Variants in KCNIP4 observed in about 807,000 individuals in gnomAD.
KCNIP4 encodes Kv channel-interacting protein 4.
Under a neutral mutation model 34.0 loss-of-function variants are expected in KCNIP4, and 12 were observed. That is an observed-to-expected ratio of 0.35 (90% CI 0.23 to 0.57). The LOEUF is 0.57. Among genes scored for constraint, KCNIP4 ranks in the 20% least tolerant of loss-of-function variants. KCNIP4 has a pLI of 0.83. For missense variants in KCNIP4, 238 were observed against 311.7 expected, an observed-to-expected ratio of 0.76 and a Z score of 1.78; for synonymous variants, 124 against 102.2, an observed-to-expected ratio of 1.21 and a Z score of -1.29.
intron 1 of KCNIP4, among the ~76,000 whole-genome samples, chr4:20,897,518 C>T (rs1347527874): frequency 3.9e-5 from 6 of 152,100 alleles, no homozygotes; most frequent in Admixed American, 2.6e-4. Flanking sequence ...TCCCTCCCCC[C>T]GCCACCCACA....
intron 1 of KCNIP4, among the ~76,000 whole-genome samples, chr4:21,026,996 T>A (rs1273798776): frequency 6.6e-6 from 1 of 152,182 alleles, no homozygotes; most frequent in African/African-American, 2.4e-5. Context: ...AGGTTTTCAG[T>A]CAGACGAGAA....
chr4:21,946,398 G>T (rs1296822828), intron 1 of KCNIP4, among the ~76,000 whole-genome samples: 1 of 152,062 alleles, frequency 6.6e-6, no homozygotes, highest in Non-Finnish European at 1.5e-5. Context: ...GATAGTTTGG[G>T]AGTTATATAA....
intron 1 of KCNIP4, among the ~76,000 whole-genome samples, chr4:21,113,579 T>G (rs914541627): frequency 2.0e-5 from 3 of 152,034 alleles, no homozygotes; most frequent in African/African-American, 7.2e-5. Flanking sequence ...CAATTTGGTC[T>G]GCTGTTGGGG....
chr4:20,976,011 T>C (rs536318290), intron 1 of KCNIP4, among the ~76,000 whole-genome samples: 1 of 152,322 alleles, frequency 6.6e-6, no homozygotes. Flanking sequence ...ACAGACTGCA[T>C]GGCCCACAAA....
At chr4:21,424,023 G>T (rs1033321499) in intron 1 of KCNIP4, among the ~76,000 whole-genome samples, 1 of 150,120 alleles carries the variant, frequency 6.7e-6, no homozygotes, top group African/African-American at 2.4e-5. Flanking sequence ...GTTTCACCAT[G>T]TTGGTCAGGC....
chr4:21,744,899 A>G (rs941055332), intron 1 of KCNIP4, among the ~76,000 whole-genome samples: 1 of 152,172 alleles, frequency 6.6e-6, no homozygotes, highest in Non-Finnish European at 1.5e-5. Flanking sequence ...TGCAAACTAT[A>G]TTTTCTACTA....
chr4:20,932,037 A>T (rs13148594), intron 1 of KCNIP4, among the ~76,000 whole-genome samples: 1 of 36,468 alleles, frequency 2.7e-5, no homozygotes, highest in Non-Finnish European at 4.5e-5. Context: ...TATTGTAGAC[A>T]ATAATAGTCT....
intron 1 of KCNIP4, among the ~76,000 whole-genome samples, chr4:21,662,737 C>A (rs1236189354): frequency 6.6e-6 from 1 of 152,036 alleles, no homozygotes; most frequent in Non-Finnish European, 1.5e-5. Context: ...AAAGTATTAA[C>A]CAAGAAAAAG....
intron 1 of KCNIP4, among the ~76,000 whole-genome samples, chr4:21,714,696 A>G (rs1229077345): frequency 6.6e-6 from 1 of 152,030 alleles, no homozygotes; most frequent in Non-Finnish European, 1.5e-5. Flanking sequence ...TCTAAGATAA[A>G]GGTGAAGTAA....
At chr4:21,431,119 A>G (rs892927368) in intron 1 of KCNIP4, among the ~76,000 whole-genome samples, 2 of 152,010 alleles carry the variant, frequency 1.3e-5, no homozygotes, top group African/African-American at 2.4e-5. Flanking sequence ...TCAATAATAT[A>G]TATTGAATTA....
chr4:20,889,413 G>A (rs1011061179), intron 1 of KCNIP4, among the ~76,000 whole-genome samples: 2 of 152,034 alleles, frequency 1.3e-5, no homozygotes, highest in Non-Finnish European at 2.9e-5. Context: ...TATAAGAATT[G>A]TTTCACAAGT....
At chr4:21,936,461 TCA>T (rs1729867333) in intron 1 of KCNIP4, among the ~76,000 whole-genome samples, 1 of 152,094 alleles carries the variant, frequency 6.6e-6, no homozygotes, top group African/African-American at 2.4e-5. Context: ...TTACCCAGTC[TCA>T]GACATGTCTT....
At chr4:21,799,190 G>T (rs191411501) in intron 1 of KCNIP4, among the ~76,000 whole-genome samples, 2 of 152,210 alleles carry the variant, frequency 1.3e-5, no homozygotes, top group Admixed American at 1.3e-4. Context: ...TTTCCAAGAA[G>T]AATTTTCTTT....
chr4:21,235,164 T>C (rs1329551805), intron 1 of KCNIP4, among the ~76,000 whole-genome samples: 1 of 152,152 alleles, frequency 6.6e-6, no homozygotes, highest in Non-Finnish European at 1.5e-5. Flanking sequence ...CTAATAATAC[T>C]GTGGTTTGTT....
chr4:21,500,207 C>T (rs935185693), intron 1 of KCNIP4, among the ~76,000 whole-genome samples: 2 of 152,028 alleles, frequency 1.3e-5, no homozygotes, highest in Non-Finnish European at 2.9e-5. Context: ...TTCGAAAAAG[C>T]GTTGTCTTTT....
chr4:21,205,659 C>G (rs1756802857), intron 1 of KCNIP4, among the ~76,000 whole-genome samples: 2 of 152,316 alleles, frequency 1.3e-5, no homozygotes, highest in South Asian at 4.1e-4. Context: ...ATCTCTCTAA[C>G]TAGTCTATGA....
intron 1 of KCNIP4, among the ~76,000 whole-genome samples, chr4:21,067,440 G>A (rs892377108): frequency 2.6e-5 from 4 of 152,102 alleles, no homozygotes; most frequent in Admixed American, 2.6e-4. Context: ...GAGATAGAGT[G>A]CCAGGCAGGC....
intron 1 of KCNIP4, among the ~76,000 whole-genome samples, chr4:21,859,405 G>A (rs1366392275): frequency 5.3e-5 from 8 of 151,532 alleles, no homozygotes; most frequent in African/African-American, 9.7e-5. Context: ...TCAGGAGATC[G>A]AGACCATCCT....
At chr4:21,615,006 GT>G (rs901622532) in intron 1 of KCNIP4, among the ~76,000 whole-genome samples, 4 of 152,124 alleles carry the variant, frequency 2.6e-5, no homozygotes, top group Non-Finnish European at 4.4e-5. Flanking sequence ...GGATCAGACT[GT>G]CTTTTTCTGA....
Sources: allele counts gnomAD v4.1 joint callset (sites outside exome capture counted in the v4.1 genomes callset), GRCh38; gene constraint gnomAD v4.1.1; transcripts MANE v1.5; gene names NCBI Gene and HGNC (gene_info 2026-07-23, HGNC 2026-07-21).